NFAT5: variants seen among roughly 807,000 people sequenced by gnomAD.
The protein encoded by NFAT5 is nuclear factor of activated T-cells 5.
NFAT5 carries 31 observed loss-of-function variants against 166.5 expected under a neutral mutation model. That is an observed-to-expected ratio of 0.19 (90% CI 0.14 to 0.25). NFAT5 has a LOEUF of 0.25. Ranked by LOEUF, NFAT5 falls within the 10% of genes least tolerant of loss-of-function variation. NFAT5 has a pLI of 1.00. For missense variants in NFAT5, 1,449 were observed against 1,821.8 expected, an observed-to-expected ratio of 0.80 and a Z score of 3.72; for synonymous variants, 612 against 639.7, an observed-to-expected ratio of 0.96 and a Z score of 0.65.
In NFAT5 at chr16:69,592,141, G is replaced by A. The variant is rs1597368438; in HGVS notation, c.127+23593G>A. ...GTCACCCAGGCTGGAGTGCAGTGGT[G>A]TGATCTCGGCTCACTGCAACCTCTG... On this transcript the variant is annotated intron_variant, in intron 2 of 14. Transcript: ENST00000349945. 2.8e-5 allele frequency among the ~76,000 whole-genome samples: 4 copies of A among 143,890 alleles called. No homozygotes were observed. The South Asian group carries it at 8.7e-4, about 31-fold the overall frequency. The allele number at this position is 143,890 out of a possible 152,430, so 94.4% of individuals were successfully genotyped here. A position where few individuals can be genotyped will look rare whatever the true frequency, so the allele number is the denominator to read the frequency against.
intron 7 of NFAT5, among the ~76,000 whole-genome samples, chr16:69,667,810 G>C (rs1046303730): frequency 6.6e-6 from 1 of 152,034 alleles, no homozygotes; most frequent in Non-Finnish European, 1.5e-5. Context: ...TCTATTTCCT[G>C]TTACTCCAAA....
rs866793300 is a variant in NFAT5 at position 69,696,388 on chromosome 16, A to G, written c.*37A>G. The G allele has an allele frequency of 6.6e-6, 1 of 152,600 alleles. No individual in the cohort carries two copies. The highest frequency in any genetic ancestry group is 2.4e-5 in the African/African-American group (1 of 41,460). 9.5% of individuals were successfully genotyped at this position (152,600 alleles called of 1,614,324 possible). ...TTCCACGAAGAAAATCCTGATTCCA[A>G]GATGTCCTGAGATCTTGTGGTTCCA... On this transcript the variant is annotated 3_prime_UTR_variant, in exon 15 of 15. Transcript: ENST00000349945.
chr16:69,616,342 T>G (rs531746904), intron 2 of NFAT5, among the ~76,000 whole-genome samples: 1 of 152,156 alleles, frequency 6.6e-6, no homozygotes, highest in South Asian at 2.1e-4. Context: ...AATCCTTCTA[T>G]GTGGACATCC....
Position 69,566,386 on chromosome 16 carries a change from TGTGGGGGGTGGGGC to T in NFAT5, c.73+20_73+33del. ...CCTCTACTCGCGAGGTGAGTCAGGC[TGTGGGGGGTGGGGC>T]GTGGGGGCGGGGAGACAGGGAGACA... On this transcript the variant is annotated intron_variant, in intron 1 of 14. Transcript: ENST00000349945. This position sits in a 1 kb window ranked among gnomAD's most constrained non-coding sequence, Gnocchi z 5.7. 1.7e-6 allele frequency: 2 copies of T among 1,197,332 alleles called. No homozygotes were observed. The highest frequency in any genetic ancestry group is 2.4e-6 in the Non-Finnish European group (2 of 820,322). The allele number at this position is 1,197,332 out of a possible 1,614,324, so 74.2% of individuals were successfully genotyped here.
Position 69,621,727 on chromosome 16 carries a change from A to G in NFAT5, c.128-4676A>G, listed in dbSNP as rs931746876. ...ATGTCTGTAATCCAGGCACTTTGGG[A>G]GGCTGAGACAGGAGGATCACTTGAG... On this transcript the variant is annotated intron_variant, in intron 2 of 14. Coordinates refer to ENST00000349945, the MANE Select transcript of NFAT5 (RefSeq NM_138713.4). Among the ~76,000 whole-genome samples the G allele has an allele frequency of 9.8e-5, 15 of 152,308 alleles. 2 individuals carry two copies. Among genetic ancestry groups the G allele is most frequent in the East Asian group, 3.9e-4 (2 of 5,184 alleles).
At chr16:69,646,347 T>TC in intron 3 of NFAT5, among the ~76,000 whole-genome samples, 1 of 152,356 alleles carries the variant, frequency 6.6e-6, no homozygotes, top group Non-Finnish European at 1.5e-5. Context: ...CATACCTTTT[T>TC]CATCTTGATT....
chr16:69,631,889 G>A (rs558861239), intron 3 of NFAT5, among the ~76,000 whole-genome samples: 2 of 152,272 alleles, frequency 1.3e-5, no homozygotes, highest in East Asian at 3.9e-4. Context: ...TTGGACCACT[G>A]TCGGTTTTTA....
In NFAT5 at chr16:69,669,080, A is replaced by G. The variant is rs989532435; in HGVS notation, c.1370-897A>G. On this transcript the variant is annotated intron_variant, in intron 7 of 14. Transcript: ENST00000349945. ...CAGCTAATTTTTTTGATTTTTTTGTAGAGACAAGGTCTCACTATTGCCCAG... is the reference window on the plus strand; with the variant it reads ...CAGCTAATTTTTTTGATTTTTTTGTGGAGACAAGGTCTCACTATTGCCCAG... Among the ~76,000 whole-genome samples the G allele has an allele frequency of 2.6e-5, 4 of 152,042 alleles. No homozygotes were observed. In the South Asian group the frequency reaches 8.3e-4, roughly 31 times the overall value.
At chr16:69,628,437 A>T (rs1045781154) in intron 3 of NFAT5, among the ~76,000 whole-genome samples, 7 of 152,190 alleles carry the variant, frequency 4.6e-5, no homozygotes, top group Non-Finnish European at 8.8e-5. Context: ...ACACACAGAA[A>T]GTTTATATGA....
At chr16:69,682,746 A>ATG (rs1204183883) in intron 10 of NFAT5, among the ~76,000 whole-genome samples, 3 of 152,274 alleles carry the variant, frequency 2.0e-5, no homozygotes, top group African/African-American at 4.8e-5. Context: ...ATGCATAAAT[A>ATG]TGTGTGTTTT....
chr16:69,650,146 C>T (rs1376234185), intron 4 of NFAT5, among the ~76,000 whole-genome samples: 2 of 151,914 alleles, frequency 1.3e-5, no homozygotes, highest in African/African-American at 4.8e-5. Context: ...ATTTTTTTGA[C>T]ATAGGTCACC....
chr16:69,579,583 T>TA (rs1164693933), intron 2 of NFAT5, among the ~76,000 whole-genome samples: 2 of 152,064 alleles, frequency 1.3e-5, no homozygotes, highest in Non-Finnish European at 2.9e-5. Flanking sequence ...AAATAAAAAC[T>TA]AAAAAAACAC....
At chr16:69,639,998 A>C (rs1004125838) in intron 3 of NFAT5, among the ~76,000 whole-genome samples, 1 of 152,232 alleles carries the variant, frequency 6.6e-6, no homozygotes, top group Non-Finnish European at 1.5e-5. Flanking sequence ...GTTGGGTGGG[A>C]AAAGTACAAA....
At chr16:69,653,214 A>C (rs1430147593) in intron 4 of NFAT5, 22 bp from the exon 5 acceptor site, 3 of 1,498,798 alleles carry the variant, frequency 2.0e-6, no homozygotes, top group Non-Finnish European at 2.7e-6. Flanking sequence ...TACTTTCTCC[A>C]TGTTGTGCTT....
chr16:69,626,007 A>G (rs950243483), intron 2 of NFAT5, among the ~76,000 whole-genome samples: 6 of 148,842 alleles, frequency 4.0e-5, no homozygotes, highest in Non-Finnish European at 8.9e-5. Context: ...GCTGGAGTGC[A>G]GTGGCATGAT....
At chr16:69,632,310 A>G (rs1247767733) in intron 3 of NFAT5, 1 of 152,192 alleles carries the variant, frequency 6.6e-6, no homozygotes, top group South Asian at 2.1e-4. Context: ...GGTAATTTGC[A>G]TGTCATCATA....
chr16:69,578,661 G>T (rs1252832304), intron 2 of NFAT5, among the ~76,000 whole-genome samples: 1 of 151,956 alleles, frequency 6.6e-6, no homozygotes, highest in African/African-American at 2.4e-5. Flanking sequence ...TTGTGAATTT[G>T]TTAATGTTTT....
chr16:69,622,759 T>C (rs2034256035), intron 2 of NFAT5, among the ~76,000 whole-genome samples: 1 of 151,580 alleles, frequency 6.6e-6, no homozygotes, highest in South Asian at 2.1e-4. Context: ...ATCACATAAA[T>C]CATAAATGCA....
At chr16:69,607,314 G>A (rs1008141558) in intron 2 of NFAT5, among the ~76,000 whole-genome samples, 1 of 152,200 alleles carries the variant, frequency 6.6e-6, no homozygotes, top group African/African-American at 2.4e-5. Flanking sequence ...ACAAGGATCA[G>A]ATGCTTTGTA....
Sources: allele counts gnomAD v4.1 joint callset (sites outside exome capture counted in the v4.1 genomes callset), GRCh38; gene constraint gnomAD v4.1.1; non-coding constraint Gnocchi (gnomAD v3.1); transcripts MANE v1.5; gene names NCBI Gene and HGNC (gene_info 2026-07-23, HGNC 2026-07-21).